Variants in CPHXL observed in about 807,000 individuals in gnomAD.
CPHXL encodes the protein cytoplasmic polyadenylated homeobox like, also known as cytoplasmic polyadenylated homeobox-like protein.
chr16:75,722,543 A>C (rs946519760), intron 1 of CPHXL, among the ~76,000 whole-genome samples: 2 of 152,218 alleles, frequency 1.3e-5, no homozygotes, highest in African/African-American at 4.8e-5. Flanking sequence ...ACACCCTCCC[A>C]AGACTAAACC....
At chr16:75,717,438 T>C (rs1042716642) in intron 2 of CPHXL, among the ~76,000 whole-genome samples, 1 of 152,222 alleles carries the variant, frequency 6.6e-6, no homozygotes, top group Non-Finnish European at 1.5e-5. Context: ...CTCATATATA[T>C]AAAACGGTGT....
At chr16:75,717,250 C>A (rs1000917429) in intron 2 of CPHXL, among the ~76,000 whole-genome samples, 1 of 152,206 alleles carries the variant, frequency 6.6e-6, no homozygotes, top group Non-Finnish European at 1.5e-5. Flanking sequence ...TGCCTCACTG[C>A]AGTCTAGTTT....
At chr16:75,715,855 C>T (rs1249608214) in intron 2 of CPHXL, among the ~76,000 whole-genome samples, 6 of 150,746 alleles carry the variant, frequency 4.0e-5, no homozygotes, top group South Asian at 2.1e-4. Flanking sequence ...CCACCATGCC[C>T]GGCTAATTTT....
intron 1 of CPHXL, among the ~76,000 whole-genome samples, chr16:75,719,079 T>C (rs1959435487): frequency 6.6e-6 from 1 of 152,216 alleles, no homozygotes; most frequent in African/African-American, 2.4e-5. Flanking sequence ...TATAAATATT[T>C]GCTATTTTTG....
chr16:75,721,009 A>G (rs186715211), intron 1 of CPHXL, among the ~76,000 whole-genome samples: 1,539 of 152,330 alleles, frequency 0.01, 16 homozygotes, highest in Middle Eastern at 0.017. Context: ...ACTAAGCTTC[A>G]TAAGTGAAGG....
In CPHXL at chr16:75,714,884, C is replaced by G. The variant is rs1959368143; in HGVS notation, c.558G>C (p.Val186=). 2.5e-6 allele frequency: 1 copy of G among 398,638 alleles called. No individual in the cohort carries two copies. The highest frequency in any genetic ancestry group is 4.4e-6 in the Non-Finnish European group (1 of 226,076). 24.7% of individuals were successfully genotyped at this position (398,638 alleles called of 1,614,324 possible). ...LEKPGIPSQQ[V]GSQCSYLEKL... ...TCTCCAGATAGGAGCACTGGGAACC[C>G]ACCTGTTGACTGGGAATCCCTGGTT... Residue 186 remains valine (V), a synonymous_variant, in exon 3 of 3, where the codon GTG becomes GTC. Coordinates refer to ENST00000640559, the MANE Select transcript of CPHXL (RefSeq NM_001355613.1).
intron 1 of CPHXL, among the ~76,000 whole-genome samples, chr16:75,721,364 C>A (rs1341535264): frequency 6.6e-6 from 1 of 152,134 alleles, no homozygotes; most frequent in African/African-American, 2.4e-5. Context: ...ACACATCTCA[C>A]GTGCAGAGAC....
chr16:75,718,892 A>G (rs1439358781), intron 1 of CPHXL, among the ~76,000 whole-genome samples: 1 of 152,182 alleles, frequency 6.6e-6, no homozygotes, highest in African/African-American at 2.4e-5. Flanking sequence ...CCGTAAGGTA[A>G]AACAGGAAAA....
At chr16:75,724,865 G>C (rs957150908) in intron 1 of CPHXL, among the ~76,000 whole-genome samples, 32 of 152,248 alleles carry the variant, frequency 2.1e-4, no homozygotes, top group African/African-American at 7.2e-4. Flanking sequence ...GCAAAGACTT[G>C]GAACCAAGCC....
chr16:75,718,586 C>G, intron 1 of CPHXL, 128 bp from the exon 2 acceptor site: 1 of 393,540 alleles, frequency 2.5e-6, no homozygotes, highest in Non-Finnish European at 4.5e-6. Flanking sequence ...CACGTGTGAC[C>G]TCATAGCTAC....
At chr16:75,721,688 G>T (rs543619253) in intron 1 of CPHXL, among the ~76,000 whole-genome samples, 1 of 152,296 alleles carries the variant, frequency 6.6e-6, no homozygotes, top group South Asian at 2.1e-4. Flanking sequence ...ACATTAGAAA[G>T]ATCAATGAGA....
chr16:75,720,268 G>A lies in CPHXL; in HGVS notation c.26-1810C>T, dbSNP rs192467708. ...GCTGGATGGAGAATGACTTTGACGA[G>A]TTGAGAGAAGAAGGCTTCAGACGAT... On this transcript the variant is annotated intron_variant, in intron 1 of 2. Coordinates refer to ENST00000640559, the MANE Select transcript of CPHXL (RefSeq NM_001355613.1). Among the ~76,000 whole-genome samples the A allele has an allele frequency of 2.6e-4, 40 of 152,314 alleles. No individual in the cohort carries two copies. The East Asian group carries it at 4.4e-3, about 17-fold the overall frequency.
intron 1 of CPHXL, among the ~76,000 whole-genome samples, chr16:75,719,425 G>A (rs190847431): frequency 6.6e-6 from 1 of 152,282 alleles, no homozygotes; most frequent in Admixed American, 6.5e-5. Context: ...CTTTTCCAAT[G>A]GTCTTAGCAA....
intron 2 of CPHXL, among the ~76,000 whole-genome samples, chr16:75,716,930 A>G (rs1185619750): frequency 5.9e-5 from 9 of 152,192 alleles, no homozygotes; most frequent in Non-Finnish European, 1.0e-4. Flanking sequence ...TTGGATGTTT[A>G]TCTGACATAT....
Position 75,714,402 on chromosome 16 carries a change from C to A in CPHXL, c.1040G>T (p.Trp347Leu). The A allele has an allele frequency of 2.5e-6, 1 of 398,586 alleles. No homozygotes were observed. Among genetic ancestry groups the A allele is most frequent in the East Asian group, 3.6e-5 (1 of 28,062 alleles). The allele number at this position is 398,586 out of a possible 1,614,324, so 24.7% of individuals were successfully genotyped here. ...CTGCAGCTGTGACTGAGCCGAGGAC[C>A]ACTGCTTCCCTAGATCCCAAGGACC... ...DSGPWDLGKQ[W>L]SSAQSQLQSQ... is the part of the protein sequence containing the mutation. The change falls in exon 3 of 3, where the codon TGG (tryptophan) becomes TTG (leucine). Residue 347 changes from tryptophan (W) to leucine (L), a missense_variant. By Grantham distance (61) the Trp-to-Leu change is moderately conservative (BLOSUM62 -2). Coordinates refer to ENST00000640559, the MANE Select transcript of CPHXL (RefSeq NM_001355613.1).
chr16:75,722,739 C>G (rs1257947678), intron 1 of CPHXL, among the ~76,000 whole-genome samples: 3 of 152,180 alleles, frequency 2.0e-5, no homozygotes, highest in African/African-American at 7.2e-5. Flanking sequence ...GGAATCCTCC[C>G]TAACTCATTT....
chr16:75,723,689 T>C (rs1307013682), intron 1 of CPHXL, among the ~76,000 whole-genome samples: 2 of 152,258 alleles, frequency 1.3e-5, no homozygotes, highest in Admixed American at 6.5e-5. Flanking sequence ...AGGTAATTTA[T>C]AGATTCAATG....
At chr16:75,722,815 C>A (rs1465706149) in intron 1 of CPHXL, among the ~76,000 whole-genome samples, 1 of 152,104 alleles carries the variant, frequency 6.6e-6, no homozygotes, top group Non-Finnish European at 1.5e-5. Flanking sequence ...AATTTTAGAC[C>A]AATATCCCTG....
At chr16:75,724,370 A>G (rs1453160081) in intron 1 of CPHXL, among the ~76,000 whole-genome samples, 1 of 152,192 alleles carries the variant, frequency 6.6e-6, no homozygotes, top group South Asian at 2.1e-4. Context: ...TTTGCAATCT[A>G]TCCATCTGAC....
Sources: gnomAD v4.1 joint callset for allele counts (sites outside exome capture counted in the v4.1 genomes callset) on GRCh38, gnomAD v4.1.1 for gene constraint, MANE v1.5 for transcripts, NCBI Gene and HGNC (gene_info 2026-07-23, HGNC 2026-07-21) for gene names.